The following WDR62 variants were observed in gnomAD, a reference collection of about 807,000 sequenced individuals.
WDR62 encodes the protein WD repeat-containing protein 62.
A neutral mutation model predicts 160.6 loss-of-function variants in WDR62; 112 were observed. The observed-to-expected ratio is 0.70, with a 90% CI of 0.60 to 0.82. The LOEUF (loss-of-function observed/expected upper bound fraction) is 0.82, where lower values mean the gene tolerates loss of function less well. Among genes scored for constraint, WDR62 ranks in the 40% least tolerant of loss-of-function variants. The pLI is 0.00. For synonymous variants in WDR62, 792 were observed against 815.1 expected, an observed-to-expected ratio of 0.97 and a Z score of 0.48; for missense variants, 1,819 against 1,983.8, an observed-to-expected ratio of 0.92 and a Z score of 1.58.
intron 15 of WDR62, among the ~76,000 whole-genome samples, chr19:36,089,643 A>G (rs1445856784): frequency 6.6e-6 from 1 of 152,158 alleles, no homozygotes; most frequent in Non-Finnish European, 1.5e-5. Context: ...AGGTTTCGCC[A>G]TGTTGGCCAG....
chr19:36,088,176 A>G (rs1972369044), intron 13 of WDR62, among the ~76,000 whole-genome samples: 1 of 152,202 alleles, frequency 6.6e-6, no homozygotes, highest in South Asian at 2.1e-4. Context: ...TGATGTGCCC[A>G]GACTCAGAGT....
At chr19:36,069,582 A>T (rs576563918) in intron 7 of WDR62, among the ~76,000 whole-genome samples, 24 of 152,242 alleles carry the variant, frequency 1.6e-4, no homozygotes, top group African/African-American at 5.5e-4. Context: ...CACTTCCCAG[A>T]CGGGGTGGCG....
intron 10 of WDR62, 47 bp downstream of exon 10, chr19:36,081,617 T>C: frequency 6.2e-7 from 1 of 1,613,492 alleles, no homozygotes. Context: ...AACAAAGACC[T>C]ACTGTAAGCT....
At chr19:36,063,190 G>T (rs190511683) in intron 3 of WDR62, among the ~76,000 whole-genome samples, 74 of 152,266 alleles carry the variant, frequency 4.9e-4, no homozygotes, top group Non-Finnish European at 8.5e-4. Flanking sequence ...TGATCCGCCC[G>T]CCTTGGCCTC....
At chr19:36,106,244 T>C (rs1317180490), downstream of WDR62, among the ~76,000 whole-genome samples, 2 of 151,624 alleles carry the variant, frequency 1.3e-5, no homozygotes, top group African/African-American at 4.8e-5. Context: ...TGCACACCTG[T>C]AGTCCCAGCT....
chr19:36,071,800 ATCTG>A (rs779569087), intron 8 of WDR62, 84 bp downstream of exon 8: 46 of 1,510,212 alleles, frequency 3.0e-5, no homozygotes, highest in Admixed American at 7.6e-5. Flanking sequence ...AGATCCATCT[ATCTG>A]TCTGTCCATC....
At chr19:36,105,865 ATT>A (rs202070392), downstream of WDR62, among the ~76,000 whole-genome samples, 1,594 of 150,870 alleles carry the variant, frequency 0.011, 29 homozygotes, top group African/African-American at 0.037. Context: ...TACTCAGCTG[ATT>A]TTTGTATTTT....
At chr19:36,081,308 G>A in intron 9 of WDR62, 125 bp from the exon 10 acceptor site, 2 of 1,112,436 alleles carry the variant, frequency 1.8e-6, no homozygotes, top group Non-Finnish European at 2.7e-6. Flanking sequence ...TTTATTTTTA[G>A]CATAGAAGGT....
At chr19:36,077,921 T>C (rs1041603867) in intron 9 of WDR62, among the ~76,000 whole-genome samples, 1 of 152,094 alleles carries the variant, frequency 6.6e-6, no homozygotes, top group Admixed American at 6.5e-5. Context: ...AGTGAAATCA[T>C]AGACTATGTG....
chr19:36,095,923 A>C (rs1972929254), intron 20 of WDR62, among the ~76,000 whole-genome samples: 1 of 152,188 alleles, frequency 6.6e-6, no homozygotes, highest in Non-Finnish European at 1.5e-5. Context: ...CGAAATTTTA[A>C]GTTATTCCCC....
chr19:36,076,268 T>G (rs1162444854), intron 9 of WDR62, among the ~76,000 whole-genome samples: 6 of 152,064 alleles, frequency 3.9e-5, no homozygotes, highest in Admixed American at 3.9e-4. Flanking sequence ...ACCATGTTTT[T>G]TTTTTTGGGC....
intron 13 of WDR62, among the ~76,000 whole-genome samples, chr19:36,088,009 G>T: frequency 6.6e-6 from 1 of 152,124 alleles, no homozygotes. Flanking sequence ...ATTACCAGAG[G>T]CTTGCAGGCC....
At chr19:36,060,224 T>C (rs1741109035) in intron 3 of WDR62, 194 bp downstream of exon 3, 1 of 639,934 alleles carries the variant, frequency 1.6e-6, no homozygotes, top group East Asian at 2.7e-5. Flanking sequence ...GACGAGAATC[T>C]CTGCTGGCTA....
Position 36,104,559 on chromosome 19 carries a change from G to A in WDR62, c.4195G>A (p.Glu1399Lys). The A allele has an allele frequency of 6.2e-7, 1 of 1,613,748 alleles. No homozygotes were observed. Among genetic ancestry groups the A allele is most frequent in the Non-Finnish European group, 8.5e-7 (1 of 1,179,828 alleles). ...ACAGGGCAGCCCTGCCCGCTGGAGTGAGCCCTGGGTGCCGGTTGAAGCCCT... is the reference window on the plus strand; with the variant it reads ...ACAGGGCAGCCCTGCCCGCTGGAGTAAGCCCTGGGTGCCGGTTGAAGCCCT... ...LLQGSPARWS[E>K]PWVPVEALPP... The change falls in exon 31 of 32, where the codon GAG (glutamate) becomes AAG (lysine). Residue 1399 changes from glutamate to lysine, a missense_variant. This residue lies in a region of WDR62 where 770 missense variants were observed against 734.2 expected (regional missense o/e 1.05). Transcript: ENST00000401500.
chr19:36,080,862 C>T (rs567399253), intron 9 of WDR62, among the ~76,000 whole-genome samples: 2 of 152,290 alleles, frequency 1.3e-5, no homozygotes, highest in African/African-American at 4.8e-5. Flanking sequence ...TTAATCTTGT[C>T]AAAATTATCT....
intron 3 of WDR62, chr19:36,062,201 C>G (rs1402717935): frequency 6.6e-6 from 1 of 152,208 alleles, no homozygotes; most frequent in Non-Finnish European, 1.5e-5. Context: ...CTGCCTCAGC[C>G]TCCCAAAGTG....
At chr19:36,104,074 G>C (rs751712082) in intron 30 of WDR62, 93 bp downstream of exon 30, 1 of 1,486,850 alleles carries the variant, frequency 6.7e-7, no homozygotes, top group South Asian at 1.1e-5. Context: ...CCTGGCCACA[G>C]GGACTGTGCC....
At chr19:36,081,360 T>TC (rs930000118) in intron 9 of WDR62, 73 bp from the exon 10 acceptor site, 28 of 1,568,568 alleles carry the variant, frequency 1.8e-5, no homozygotes, top group African/African-American at 4.1e-5. Flanking sequence ...TTTTTTTTTT[T>TC]CCATGAAAAT....
chr19:36,098,068 G>A (rs1160292730), intron 21 of WDR62, among the ~76,000 whole-genome samples: 2 of 151,112 alleles, frequency 1.3e-5, no homozygotes, highest in African/African-American at 4.9e-5. Flanking sequence ...CCAGGAGCTC[G>A]AGACCAGCTT....
Sources: allele counts gnomAD v4.1 joint callset (sites outside exome capture counted in the v4.1 genomes callset), GRCh38; gene constraint gnomAD v4.1.1; regional missense constraint gnomAD v4.1.1; transcripts MANE v1.5; gene names NCBI Gene and HGNC (gene_info 2026-07-23, HGNC 2026-07-21).